Variants in BCL9 observed in about 807,000 individuals in gnomAD.
The protein encoded by BCL9 is B-cell CLL/lymphoma 9 protein.
BCL9 carries 25 observed loss-of-function variants against 88.5 expected under a neutral mutation model. The observed-to-expected ratio is 0.28, with a 90% CI of 0.21 to 0.39. The LOEUF is 0.39. BCL9 is among the 10% of genes least tolerant of loss of function. The pLI is 1.00. For missense variants in BCL9, 1,817 were observed against 1,877.8 expected (o/e 0.97, Z 0.60); for synonymous variants, 711 against 673.3 (o/e 1.06, Z -0.87).
chr1:147,626,187 G>T lies in BCL9; in HGVS notation c.*1228G>T. The T allele has an allele frequency of 5.2e-6, 1 of 193,542 alleles. No homozygotes were observed. The highest frequency in any genetic ancestry group is 1.1e-5 in the Non-Finnish European group (1 of 92,560). The allele number at this position is 193,542 out of a possible 1,614,324, so 12.0% of individuals were successfully genotyped here. A position where few individuals can be genotyped will look rare whatever the true frequency, so the allele number is the denominator to read the frequency against. On this transcript the variant is annotated 3_prime_UTR_variant, in exon 10 of 10. Transcript: ENST00000234739. Reference sequence around the variant, plus strand: ...ACCACTCGCCAGAGCTGTGGTGTCAGAAAAATAAAATATATTGTTTCTTAC... The same window carrying T: ...ACCACTCGCCAGAGCTGTGGTGTCATAAAAATAAAATATATTGTTTCTTAC...
At chr1:147,550,139 G>C (rs1553194668) in intron 1 of BCL9, among the ~76,000 whole-genome samples, 1 of 152,118 alleles carries the variant, frequency 6.6e-6, no homozygotes, top group Non-Finnish European at 1.5e-5. Flanking sequence ...ATGCTTTATA[G>C]GTTCTTAGCC....
intron 1 of BCL9, among the ~76,000 whole-genome samples, chr1:147,563,534 G>A (rs1553196331): frequency 6.6e-6 from 1 of 152,174 alleles, no homozygotes; most frequent in African/African-American, 2.4e-5. Context: ...GGAAAGTCAG[G>A]GGAAGGTATG....
intron 1 of BCL9, among the ~76,000 whole-genome samples, chr1:147,542,753 C>T (rs1351689935): frequency 6.6e-6 from 1 of 152,098 alleles, no homozygotes; most frequent in African/African-American, 2.4e-5. Context: ...TTTCCCCTTT[C>T]CTCCTCCTTG....
intron 1 of BCL9, among the ~76,000 whole-genome samples, chr1:147,581,165 G>C (rs587713663): frequency 2.0e-5 from 3 of 152,112 alleles, no homozygotes; most frequent in African/African-American, 7.2e-5. Flanking sequence ...GTCTTGTCTG[G>C]TATGACAATT....
intron 2 of BCL9, among the ~76,000 whole-genome samples, chr1:147,605,325 G>A (rs1393675154): frequency 6.6e-5 from 10 of 152,018 alleles, no homozygotes; most frequent in African/African-American, 2.4e-4. Flanking sequence ...AGAGAGTTCC[G>A]TGTCTACACA....
Position 147,620,804 on chromosome 1 carries a change from C to T in BCL9, c.2649C>T (p.Leu883=). The stretch of plus-strand genomic sequence containing the variant: ...TGCTGGGCTCGCCCTCGGGGAACCT[C>T]AAGTCCCCCCAGACTCCATCGCAGC... ...SPMLGSPSGN[L]KSPQTPSQLA... is the part of the protein sequence containing the mutation. Residue 883 remains leucine, a synonymous_variant, in exon 8 of 10, where the codon CTC becomes CTT. Transcript: ENST00000234739. 1 of 1,614,184 alleles carries T rather than the reference C, an allele frequency of 6.2e-7. No individual in the cohort carries two copies.
intron 1 of BCL9, among the ~76,000 whole-genome samples, chr1:147,567,121 T>A (rs147208762): frequency 6.6e-6 from 1 of 152,206 alleles, no homozygotes; most frequent in Admixed American, 6.5e-5. Flanking sequence ...TGATTATGTA[T>A]TATTTGATTA....
At position 147,622,505 on chromosome 1, in the gene BCL9, A is replaced by C. The variant is rs377334839; in HGVS notation, c.3137A>C (p.Asn1046Thr). ...DDDSPPARSPNLPSMNNMPGM... is the reference protein window; with the variant it reads ...DDDSPPARSPTLPSMNNMPGM... ...GACTCCCCTCCAGCTCGTTCTCCCAACTTGCCATCAATGAATAATATGCCA... is the reference window on the plus strand; with the variant it reads ...GACTCCCCTCCAGCTCGTTCTCCCACCTTGCCATCAATGAATAATATGCCA... Residue 1046 changes from asparagine (N) to threonine (T), a missense_variant, in exon 9 of 10, where the codon AAC becomes ACC. By Grantham distance (65) the Asn-to-Thr change is moderately conservative (BLOSUM62 0). Coordinates refer to ENST00000234739, the MANE Select transcript of BCL9 (RefSeq NM_004326.4). 120 of 1,614,072 alleles carry C rather than the reference A, an allele frequency of 7.4e-5. No individual in the cohort carries two copies. The highest frequency in any genetic ancestry group is 9.7e-5 in the Non-Finnish European group (114 of 1,180,046).
chr1:147,570,256 G>A (rs1436248321), intron 1 of BCL9, among the ~76,000 whole-genome samples: 1 of 152,270 alleles, frequency 6.6e-6, no homozygotes, highest in Admixed American at 6.5e-5. Flanking sequence ...GGACTCTGGA[G>A]ATCCCCGATA....
At chr1:147,573,717 T>C (rs1301269757) in intron 1 of BCL9, among the ~76,000 whole-genome samples, 1 of 152,206 alleles carries the variant, frequency 6.6e-6, no homozygotes, top group Admixed American at 6.5e-5. Context: ...GTCAGAAAAT[T>C]CATGTACTAC....
chr1:147,623,484 C>T (rs143684866), intron 9 of BCL9, among the ~76,000 whole-genome samples: 1 of 152,248 alleles, frequency 6.6e-6, no homozygotes, highest in African/African-American at 2.4e-5. Context: ...CTGATTTCTC[C>T]AAAAGGACCG....
chr1:147,600,393 G>C (rs1188292448), intron 1 of BCL9: 1 of 151,864 alleles, frequency 6.6e-6, no homozygotes. Context: ...GGTAGTGGGG[G>C]CCAGGTCCGC....
intron 1 of BCL9, among the ~76,000 whole-genome samples, chr1:147,602,835 C>A (rs1657471682): frequency 6.6e-6 from 1 of 152,150 alleles, no homozygotes; most frequent in Non-Finnish European, 1.5e-5. Flanking sequence ...AGATGTTTCA[C>A]AAGCATTATA....
rs1425692633 is a variant in BCL9, at chr1:147,622,221, A to G, written c.2903-50A>G. Reference sequence around the variant, plus strand: ...ATAATCATAGGGCCCAATACCCTTCAAAAGGAATCTAATTCCCTGCCCGTT... The same window carrying G: ...ATAATCATAGGGCCCAATACCCTTCGAAAGGAATCTAATTCCCTGCCCGTT... On this transcript the variant is annotated intron_variant, in intron 8 of 9. Transcript: ENST00000234739. 5 of 1,609,620 alleles carry G rather than the reference A, an allele frequency of 3.1e-6. No homozygotes were observed. In the Admixed American group the frequency reaches 5.0e-5, roughly 16 times the overall value.
intron 1 of BCL9, among the ~76,000 whole-genome samples, chr1:147,551,855 T>A (rs1654918657): frequency 6.6e-6 from 1 of 152,176 alleles, no homozygotes; most frequent in Non-Finnish European, 1.5e-5. Context: ...CAGCAGAAAA[T>A]GGACTAAGGT....
At chr1:147,605,898 G>A (rs2101599019) in intron 2 of BCL9, among the ~76,000 whole-genome samples, 1 of 152,290 alleles carries the variant, frequency 6.6e-6, no homozygotes, top group Non-Finnish European at 1.5e-5. Flanking sequence ...ACTTCTTAGA[G>A]CAGGGAAATG....
chr1:147,565,386 G>A (rs1655555597), intron 1 of BCL9, among the ~76,000 whole-genome samples: 1 of 152,188 alleles, frequency 6.6e-6, no homozygotes, highest in Non-Finnish European at 1.5e-5. Flanking sequence ...TCACAGAAGT[G>A]CTAATACCTT....
intron 9 of BCL9, 145 bp from the exon 10 acceptor site, chr1:147,623,697 T>C (rs782298373): frequency 5.3e-5 from 48 of 910,882 alleles, no homozygotes; most frequent in Middle Eastern, 3.2e-4. Flanking sequence ...TATGATCTTA[T>C]TGATGGCAGG....
chr1:147,599,863 C>T (rs1438410383), intron 1 of BCL9, among the ~76,000 whole-genome samples: 2 of 149,892 alleles, frequency 1.3e-5, no homozygotes, highest in African/African-American at 4.9e-5. Flanking sequence ...GGGTTGGTAC[C>T]ATCGCGCGCG....
Sources: gnomAD v4.1 joint callset for allele counts (sites outside exome capture counted in the v4.1 genomes callset) on GRCh38, gnomAD v4.1.1 for gene constraint, MANE v1.5 for transcripts, NCBI Gene and HGNC (gene_info 2026-07-23, HGNC 2026-07-21) for gene names.